The following CFAP206 variants were observed in gnomAD, a reference collection of about 807,000 sequenced individuals.
CFAP206 encodes the protein cilia- and flagella-associated protein 206.
Under a neutral mutation model 65.4 loss-of-function variants are expected in CFAP206, and 53 were observed. The ratio of observed to expected loss-of-function variants is 0.81; its 90% CI spans 0.65 to 1.02. CFAP206 has a LOEUF of 1.02. Ranked by LOEUF, CFAP206 falls within the 50% of genes least tolerant of loss-of-function variation. The pLI, the probability that CFAP206 is intolerant of heterozygous loss-of-function variation, is 0.00. For synonymous variants in CFAP206, 250 were observed against 254.4 expected (o/e 0.98, Z 0.17); for missense variants, 663 against 753.2 (o/e 0.88, Z 1.40).
intron 7 of CFAP206, among the ~76,000 whole-genome samples, chr6:87,422,770 A>G (rs969849853): frequency 2.0e-5 from 3 of 151,590 alleles, no homozygotes; most frequent in African/African-American, 7.3e-5. Context: ...AAAACAAAAC[A>G]AACAAAAAAA....
At chr6:87,412,442 G>A (rs1460320788) in intron 3 of CFAP206, among the ~76,000 whole-genome samples, 2 of 152,062 alleles carry the variant, frequency 1.3e-5, no homozygotes, top group Non-Finnish European at 2.9e-5. Flanking sequence ...AGGAAGTGGG[G>A]GAGGGAGGTG....
At chr6:87,460,688 A>G (rs1057351092) in intron 11 of CFAP206, among the ~76,000 whole-genome samples, 2 of 152,008 alleles carry the variant, frequency 1.3e-5, no homozygotes, top group Admixed American at 1.3e-4. Context: ...TGTGGTCACT[A>G]CCTGGGTGAT....
intron 12 of CFAP206, among the ~76,000 whole-genome samples, chr6:87,463,778 C>A (rs1403450942): frequency 6.6e-6 from 1 of 151,952 alleles, no homozygotes; most frequent in Admixed American, 6.6e-5. Context: ...AATTTTGAAT[C>A]TGTATGTTTT....
At chr6:87,436,024 T>C (rs570726323) in intron 11 of CFAP206, 2 of 152,034 alleles carry the variant, frequency 1.3e-5, no homozygotes, top group East Asian at 3.9e-4. Flanking sequence ...AATTCCTCTC[T>C]TTTAAACTCA....
intron 8 of CFAP206, among the ~76,000 whole-genome samples, chr6:87,428,152 T>G (rs925428123): frequency 4.6e-5 from 7 of 151,994 alleles, no homozygotes; most frequent in Non-Finnish European, 8.8e-5. Context: ...CACGCCTGGC[T>G]AATTTTTGTA....
In CFAP206 at chr6:87,461,682, A is replaced by G. The variant is rs117653212; in HGVS notation, c.1638+517A>G. On this transcript the variant is annotated intron_variant, in intron 12 of 12. Transcript: ENST00000369562. ...CATCCCCTCTTTATGGTATCTTGTC[A>G]TTTTAAACAACAAATATTTATAGTA... 3.3e-3 allele frequency among the ~76,000 whole-genome samples: 421 copies of G among 126,930 alleles called. 5 individuals are homozygous for G. The highest frequency in any genetic ancestry group is 0.013 in the South Asian group (46 of 3,416). The allele number at this position is 126,930 out of a possible 152,430, so 83.3% of individuals were successfully genotyped here.
In CFAP206 at chr6:87,427,376, T is replaced by C. The variant is rs1291616654; in HGVS notation, c.960+731T>C. 4.6e-5 allele frequency among the ~76,000 whole-genome samples: 7 copies of C among 152,296 alleles called. No individual in the cohort carries two copies. In the East Asian group the frequency reaches 9.7e-4, roughly 21 times the overall value. On this transcript the variant is annotated intron_variant, in intron 8 of 12. Transcript: ENST00000369562. Reference sequence around the variant, plus strand: ...GGATGGTCTTGATCTCCTGACCTCGTGATCTGCCCGCCTCGGCCTCCCAAA... The same window carrying C: ...GGATGGTCTTGATCTCCTGACCTCGCGATCTGCCCGCCTCGGCCTCCCAAA...
chr6:87,432,967 A>G (rs7770616), intron 10 of CFAP206, among the ~76,000 whole-genome samples: 5,603 of 152,314 alleles, frequency 0.037, 362 homozygotes, highest in African/African-American at 0.13. Flanking sequence ...TAACACTGGC[A>G]CTTACCAGTC....
intron 7 of CFAP206, among the ~76,000 whole-genome samples, chr6:87,422,448 C>T (rs1767956576): frequency 9.1e-6 from 1 of 109,948 alleles, no homozygotes; most frequent in African/African-American, 3.6e-5. Context: ...GAAACTCCAT[C>T]TCGAAAAAAA....
At chr6:87,424,597 C>G (rs1272949575) in intron 7 of CFAP206, among the ~76,000 whole-genome samples, 1 of 152,152 alleles carries the variant, frequency 6.6e-6, no homozygotes, top group African/African-American at 2.4e-5. Flanking sequence ...ATTTCAAATT[C>G]AGTGTTTAGC....
At chr6:87,413,736 GA>G in intron 3 of CFAP206, 73 bp from the exon 4 acceptor site, 2 of 905,226 alleles carry the variant, frequency 2.2e-6, no homozygotes, top group East Asian at 2.8e-5. Flanking sequence ...CTTTATTTTT[GA>G]AAATAACTTT....
chr6:87,419,119 T>C (rs1767894203), intron 7 of CFAP206, among the ~76,000 whole-genome samples: 1 of 139,916 alleles, frequency 7.1e-6, no homozygotes, highest in African/African-American at 2.8e-5. Flanking sequence ...AAAAAAACGT[T>C]TGTTTTTTTT....
intron 11 of CFAP206, among the ~76,000 whole-genome samples, chr6:87,460,035 T>A (rs1223341599): frequency 2.0e-5 from 3 of 152,236 alleles, no homozygotes; most frequent in South Asian, 2.1e-4. Context: ...TTAGCATTTT[T>A]AAAATCTACC....
At chr6:87,448,956 T>G (rs1047783638) in intron 11 of CFAP206, among the ~76,000 whole-genome samples, 2 of 152,172 alleles carry the variant, frequency 1.3e-5, no homozygotes, top group African/African-American at 4.8e-5. Flanking sequence ...AGTAGTACTG[T>G]GATAAACATA....
At chr6:87,445,983 G>C (rs1329165014) in intron 11 of CFAP206, among the ~76,000 whole-genome samples, 1 of 152,026 alleles carries the variant, frequency 6.6e-6, no homozygotes, top group Non-Finnish European at 1.5e-5. Context: ...TATGTTTGTT[G>C]GTTGCATGAA....
At position 87,417,147 on chromosome 6, in the gene CFAP206, T is replaced by C. The variant is rs182605565; in HGVS notation, c.631+320T>C. On this transcript the variant is annotated intron_variant, in intron 6 of 12. Transcript: ENST00000369562. ...CTGCAAGTCCGTAACCAAAAGGGAGTACAATTTAGTTATTTAAAAAATAAA... is the reference window on the plus strand; with the variant it reads ...CTGCAAGTCCGTAACCAAAAGGGAGCACAATTTAGTTATTTAAAAAATAAA... 1.6e-4 allele frequency among the ~76,000 whole-genome samples: 25 copies of C among 152,156 alleles called. No individual in the cohort carries two copies. In the East Asian group the frequency reaches 2.1e-3, roughly 13 times the overall value.
chr6:87,408,193 T>C (rs1389319031), intron 1 of CFAP206, 104 bp downstream of exon 1: 1 of 404,848 alleles, frequency 2.5e-6, no homozygotes, highest in Non-Finnish European at 3.3e-6. Flanking sequence ...GACCGCGTCC[T>C]GCCTCGTCGA....
chr6:87,426,496 ATAT>A, intron 7 of CFAP206, 27 bp from the exon 8 acceptor site: 3 of 1,496,698 alleles, frequency 2.0e-6, no homozygotes, highest in Non-Finnish European at 2.7e-6. Flanking sequence ...AATTATAAAA[ATAT>A]TAATGCAAAT....
At chr6:87,445,158 A>T in intron 11 of CFAP206, 1 of 293,768 alleles carries the variant, frequency 3.4e-6, no homozygotes, top group Non-Finnish European at 6.6e-6. Flanking sequence ...TTATAGCTGC[A>T]TTTTCATCTC....
Sources: gnomAD v4.1 joint callset for allele counts (sites outside exome capture counted in the v4.1 genomes callset) on GRCh38, gnomAD v4.1.1 for gene constraint, MANE v1.5 for transcripts, NCBI Gene and HGNC (gene_info 2026-07-23, HGNC 2026-07-21) for gene names.